The following TEK variants were observed in gnomAD, a reference collection of about 807,000 sequenced individuals.
TEK encodes TEK receptor tyrosine kinase.
TEK carries 43 observed loss-of-function variants against 131.8 expected under a neutral mutation model. That is an observed-to-expected ratio of 0.33 (90% CI 0.26 to 0.42). The LOEUF (loss-of-function observed/expected upper bound fraction) is 0.42, where lower values mean the gene tolerates loss of function less well. TEK is among the 10% of genes least tolerant of loss of function. The probability of loss-of-function intolerance (pLI) is 1.00; values close to 1 mark genes in which losing one functional copy is unlikely to be tolerated. For missense variants in TEK, 1,162 were observed against 1,384.4 expected (o/e 0.84, Z 2.55); for synonymous variants, 580 against 491.6 (o/e 1.18, Z -2.38).
rs563961610 is a variant in TEK, at chr9:27,160,010, GTTTTTTTTTTTTTTT to G, written c.364+1884_364+1898del. 3.7e-3 allele frequency among the ~76,000 whole-genome samples: 315 copies of G among 84,346 alleles called. 4 individuals are homozygous for G. Among genetic ancestry groups the G allele is most frequent in the Middle Eastern group, 0.03 (3 of 100 alleles). 55.3% of individuals were successfully genotyped at this position (84,346 alleles called of 152,430 possible). On this transcript the variant is annotated intron_variant, in intron 2 of 22. Transcript: ENST00000380036. Reference sequence around the variant, plus strand: ...ATAATGACATTGTCAGCTGTTTAGGGTTTTTTTTTTTTTTTTTTTTTTTTTTTTTTAAAGACAAGG... The same window carrying G: ...ATAATGACATTGTCAGCTGTTTAGGGTTTTTTTTTTTTTTTAAAGACAAGG...
At chr9:27,159,324 G>A (rs1415603129) in intron 2 of TEK, among the ~76,000 whole-genome samples, 1 of 152,074 alleles carries the variant, frequency 6.6e-6, no homozygotes, top group Non-Finnish European at 1.5e-5. Flanking sequence ...TGCAACCTAG[G>A]CTCAGAATTG....
intron 1 of TEK, among the ~76,000 whole-genome samples, chr9:27,129,354 A>G (rs1822122209): frequency 6.6e-6 from 1 of 152,200 alleles, no homozygotes. Context: ...ATACATGCAC[A>G]AGTAGATATC....
At chr9:27,140,702 G>A (rs1822693601) in intron 1 of TEK, among the ~76,000 whole-genome samples, 2 of 151,920 alleles carry the variant, frequency 1.3e-5, no homozygotes, top group Non-Finnish European at 1.5e-5. Context: ...TACTTTATCT[G>A]TCAAAATGGG....
At chr9:27,198,685 C>T (rs1587002898) in intron 12 of TEK, among the ~76,000 whole-genome samples, 1 of 152,214 alleles carries the variant, frequency 6.6e-6, no homozygotes, top group Admixed American at 6.5e-5. Flanking sequence ...TATGTAATAA[C>T]CCACTACAGG....
intron 1 of TEK, among the ~76,000 whole-genome samples, chr9:27,124,200 TAACA>T (rs143506316): frequency 6.6e-6 from 1 of 152,394 alleles, no homozygotes; most frequent in African/African-American, 2.4e-5. Context: ...TGTTGCCATG[TAACA>T]AACTACTCCC....
At chr9:27,129,011 T>G (rs1822107097) in intron 1 of TEK, among the ~76,000 whole-genome samples, 1 of 152,176 alleles carries the variant, frequency 6.6e-6, no homozygotes. Flanking sequence ...TCCAATCCTA[T>G]GTTGAATAGG....
chr9:27,193,137 G>A (rs971980303), intron 11 of TEK, among the ~76,000 whole-genome samples: 1 of 152,176 alleles, frequency 6.6e-6, no homozygotes, highest in Non-Finnish European at 1.5e-5. Context: ...TTTATCTAAA[G>A]AACAGCATTC....
intron 2 of TEK, among the ~76,000 whole-genome samples, chr9:27,164,698 T>A (rs1823664962): frequency 6.6e-6 from 1 of 152,060 alleles, no homozygotes; most frequent in African/African-American, 2.4e-5. Flanking sequence ...CCTAGCTAAT[T>A]TTTAAATATT....
intron 1 of TEK, among the ~76,000 whole-genome samples, chr9:27,152,443 ATGTTG>A (rs774488968): frequency 2.0e-5 from 3 of 151,858 alleles, no homozygotes; most frequent in Non-Finnish European, 4.4e-5. Flanking sequence ...TGGAGCAAGC[ATGTTG>A]TGCTGCAGTG....
intron 1 of TEK, among the ~76,000 whole-genome samples, chr9:27,128,286 T>C (rs1245887421): frequency 2.0e-5 from 3 of 152,198 alleles, no homozygotes; most frequent in African/African-American, 4.8e-5. Flanking sequence ...AAGATGGTTG[T>C]AGATGTGTGG....
At chr9:27,147,946 T>C (rs1822985573) in intron 1 of TEK, among the ~76,000 whole-genome samples, 2 of 152,212 alleles carry the variant, frequency 1.3e-5, no homozygotes, top group Non-Finnish European at 2.9e-5. Flanking sequence ...TGCTACAAAT[T>C]AGCTGTGTAA....
chr9:27,163,801 C>A (rs1022817868), intron 2 of TEK, among the ~76,000 whole-genome samples: 2 of 152,210 alleles, frequency 1.3e-5, no homozygotes, highest in African/African-American at 4.8e-5. Context: ...TATGAAACTA[C>A]ATTATTTCCT....
intron 1 of TEK, among the ~76,000 whole-genome samples, chr9:27,123,262 A>G (rs603085): frequency 0.18 from 26,676 of 151,556 alleles, 2,986 homozygotes; most frequent in East Asian, 0.53. Context: ...TCCTATTTCC[A>G]TGTGCTTTCT....
chr9:27,222,439 A>G (rs901802309), intron 21 of TEK, among the ~76,000 whole-genome samples: 2 of 152,222 alleles, frequency 1.3e-5, no homozygotes, highest in African/African-American at 4.8e-5. Flanking sequence ...GAAATGAAAG[A>G]AAAAATGTTA....
At chr9:27,198,527 A>G (rs904656199) in intron 12 of TEK, 2 of 152,208 alleles carry the variant, frequency 1.3e-5, no homozygotes, top group African/African-American at 4.8e-5. Flanking sequence ...GTGTTTAGGA[A>G]TTCTTCATAT....
intron 1 of TEK, among the ~76,000 whole-genome samples, chr9:27,131,578 G>A (rs944000383): frequency 5.3e-5 from 8 of 151,358 alleles, no homozygotes; most frequent in African/African-American, 1.9e-4. Flanking sequence ...ATCCCCGCAT[G>A]TTGGGAGGAT....
intron 1 of TEK, among the ~76,000 whole-genome samples, chr9:27,118,259 T>C (rs1821644577): frequency 6.6e-6 from 1 of 152,182 alleles, no homozygotes; most frequent in Non-Finnish European, 1.5e-5. Context: ...ATTTCACAAC[T>C]TTACACTATA....
chr9:27,212,865 G>A lies in TEK; in HGVS notation c.2845G>A (p.Ala949Thr). 1.2e-6 allele frequency: 2 copies of A among 1,614,064 alleles called. No homozygotes were observed. The highest frequency in any genetic ancestry group is 1.7e-6 in the Non-Finnish European group (2 of 1,179,976). ...QQLLHFAADV[A>T]RGMDYLSQKQ... ...GCTCCTTCACTTCGCTGCCGACGTG[G>A]CCCGGGGCATGGACTACTTGAGCCA... Residue 949 changes from alanine to threonine, a missense_variant, in exon 17 of 23, where the codon GCC becomes ACC. Coordinates refer to ENST00000380036, the MANE Select transcript of TEK (RefSeq NM_000459.5).
chr9:27,150,466 G>C (rs1007873621), intron 1 of TEK, among the ~76,000 whole-genome samples: 3 of 152,026 alleles, frequency 2.0e-5, no homozygotes, highest in East Asian at 1.9e-4. Context: ...AGATTAGCTG[G>C]GGGGAGGGGT....
Sources: allele counts gnomAD v4.1 joint callset (sites outside exome capture counted in the v4.1 genomes callset), GRCh38; gene constraint gnomAD v4.1.1; transcripts MANE v1.5; gene names NCBI Gene and HGNC (gene_info 2026-07-23, HGNC 2026-07-21).